SOX5: variants seen among roughly 807,000 people sequenced by gnomAD.
SOX5 encodes the protein transcription factor SOX-5.
A neutral mutation model predicts 92.0 loss-of-function variants in SOX5; 9 were observed. That is an observed-to-expected ratio of 0.10 (90% confidence interval 0.06 to 0.17). The LOEUF is 0.17. Among genes scored for constraint, SOX5 ranks in the 10% least tolerant of loss-of-function variants. The probability of loss-of-function intolerance (pLI) is 1.00; values close to 1 mark genes in which losing one functional copy is unlikely to be tolerated. For missense variants in SOX5, 642 were observed against 944.5 expected, an observed-to-expected ratio of 0.68 and a Z score of 4.20; for synonymous variants, 344 against 336.3, an observed-to-expected ratio of 1.02 and a Z score of -0.25.
chr12:23,740,843 A>T, intron 5 of SOX5, 24 bp downstream of exon 5: 3 of 1,589,124 alleles, frequency 1.9e-6, no homozygotes, highest in Non-Finnish European at 2.6e-6. Flanking sequence ...GAGGAATATG[A>T]CTGCATCGCT....
intron 4 of SOX5, among the ~76,000 whole-genome samples, chr12:24,107,815 A>G (rs991243402): frequency 1.3e-5 from 2 of 152,192 alleles, no homozygotes; most frequent in Admixed American, 1.3e-4. Context: ...CTGTTCCTTA[A>G]TTAAAACGAG....
chr12:23,955,450 G>A (rs1045232607), upstream of SOX5, among the ~76,000 whole-genome samples: 7 of 152,030 alleles, frequency 4.6e-5, no homozygotes, highest in Non-Finnish European at 8.8e-5. Context: ...TGCCTAATAC[G>A]TTTACAAGTT....
At chr12:24,399,635 T>TTTTTTA (rs1174319465) in intron 1 of SOX5, among the ~76,000 whole-genome samples, 1 of 152,150 alleles carries the variant, frequency 6.6e-6, no homozygotes, top group Non-Finnish European at 1.5e-5. Context: ...AAACAATTGT[T>TTTTTTA]GAGAAGAACG....
intron 4 of SOX5, among the ~76,000 whole-genome samples, chr12:24,030,080 T>G (rs189409400): frequency 6.6e-6 from 1 of 151,884 alleles, no homozygotes; most frequent in Admixed American, 6.6e-5. Flanking sequence ...CTCAATTACA[T>G]AGTAAATAAT....
At chr12:24,381,524 C>A (rs1957821772) in intron 1 of SOX5, among the ~76,000 whole-genome samples, 1 of 152,096 alleles carries the variant, frequency 6.6e-6, no homozygotes, top group African/African-American at 2.4e-5. Flanking sequence ...TCACGTATTC[C>A]CACCTTATAG....
At chr12:23,667,288 T>A (rs1566845671) in intron 6 of SOX5, among the ~76,000 whole-genome samples, 1 of 152,182 alleles carries the variant, frequency 6.6e-6, no homozygotes, top group Non-Finnish European at 1.5e-5. Flanking sequence ...TGGTGGTTTT[T>A]ATCTAGATAA....
intron 1 of SOX5, among the ~76,000 whole-genome samples, chr12:24,422,100 T>A (rs1344462614): frequency 2.0e-5 from 3 of 152,208 alleles, no homozygotes; most frequent in African/African-American, 7.2e-5. Flanking sequence ...TGCGTGGAAG[T>A]CTAGACGAAT....
chr12:24,440,317 T>A (rs1164329912), intron 1 of SOX5, among the ~76,000 whole-genome samples: 1 of 152,204 alleles, frequency 6.6e-6, no homozygotes, highest in African/African-American at 2.4e-5. Flanking sequence ...TGAGGTTATC[T>A]TCCTCCTGAC....
At chr12:24,137,037 G>A (rs1950167728) in intron 4 of SOX5, among the ~76,000 whole-genome samples, 1 of 152,108 alleles carries the variant, frequency 6.6e-6, no homozygotes, top group Non-Finnish European at 1.5e-5. Context: ...AAGTGTCTTG[G>A]TCTTAGAGAA....
In SOX5 at chr12:24,490,628, T is replaced by C. The variant is rs117203103; in HGVS notation, c.-251+71701A>G. Among the ~76,000 whole-genome samples the C allele has an allele frequency of 7.7e-3, 1,166 of 152,240 alleles. 3 individuals are homozygous for C. Among genetic ancestry groups the C allele is most frequent in the Non-Finnish European group, 0.011 (755 of 68,006 alleles). On this transcript the variant is annotated intron_variant, in intron 1 of 4. Transcript: ENST00000446891. ...TTACATGGGCAGCTCACAGTTTCTT[T>C]TGGAATGCTTTCATGGAAATTCAGG...
chr12:24,003,055 T>C (rs1438406062), intron 4 of SOX5, among the ~76,000 whole-genome samples: 1 of 152,088 alleles, frequency 6.6e-6, no homozygotes, highest in Non-Finnish European at 1.5e-5. Flanking sequence ...GAACAATCAA[T>C]GAAAATTGAC....
At chr12:23,904,972 T>G (rs2097276455) in intron 1 of SOX5, among the ~76,000 whole-genome samples, 1 of 152,070 alleles carries the variant, frequency 6.6e-6, no homozygotes, top group Non-Finnish European at 1.5e-5. Context: ...AGGTACAAGG[T>G]TCTCCCAGGA....
At chr12:23,925,703 G>T (rs1052050042) in intron 1 of SOX5, among the ~76,000 whole-genome samples, 1 of 151,996 alleles carries the variant, frequency 6.6e-6, no homozygotes, top group Non-Finnish European at 1.5e-5. Flanking sequence ...ATATGTTCAA[G>T]ATACAATAAC....
intron 4 of SOX5, among the ~76,000 whole-genome samples, chr12:24,114,724 C>T (rs942205551): frequency 6.6e-6 from 1 of 151,542 alleles, no homozygotes; most frequent in Non-Finnish European, 1.5e-5. Flanking sequence ...AATCAAGGGT[C>T]TTTTGAAGCC....
intron 6 of SOX5, among the ~76,000 whole-genome samples, chr12:23,671,395 C>T (rs988390270): frequency 6.6e-6 from 1 of 152,158 alleles, no homozygotes; most frequent in Non-Finnish European, 1.5e-5. Flanking sequence ...CAGTCACCTT[C>T]AGTGGGGAGC....
chr12:23,842,299 G>C (rs557001082), intron 3 of SOX5, among the ~76,000 whole-genome samples: 9 of 152,132 alleles, frequency 5.9e-5, no homozygotes, highest in African/African-American at 2.2e-4. Context: ...TGTTGGGGTG[G>C]AAATGTACAG....
chr12:24,067,658 G>A (rs10842269), intron 4 of SOX5, among the ~76,000 whole-genome samples: 141,914 of 152,254 alleles, frequency 0.93, 66,899 homozygotes, highest in South Asian at 1. Context: ...ATTGATCAAC[G>A]ATTTTATGGA....
At chr12:23,638,989 A>G (rs980451032) in intron 8 of SOX5, among the ~76,000 whole-genome samples, 2 of 151,778 alleles carry the variant, frequency 1.3e-5, no homozygotes, top group African/African-American at 4.8e-5. Flanking sequence ...TTTTCTTGTT[A>G]TACTACAGGA....
intron 1 of SOX5, among the ~76,000 whole-genome samples, chr12:24,449,513 C>A (rs1356196252): frequency 1.3e-5 from 2 of 152,152 alleles, no homozygotes; most frequent in Non-Finnish European, 2.9e-5. Flanking sequence ...GAGCAGTTAC[C>A]GCTCGTTGAC....
Sources: allele counts gnomAD v4.1 joint callset (sites outside exome capture counted in the v4.1 genomes callset), GRCh38; gene constraint gnomAD v4.1.1; transcripts MANE v1.5; gene names NCBI Gene and HGNC (gene_info 2026-07-23, HGNC 2026-07-21).